IQCB1: variants seen among roughly 807,000 people sequenced by gnomAD.
IQCB1 encodes the protein IQ motif containing B1.
IQCB1 carries 56 observed loss-of-function variants against 84.4 expected under a neutral mutation model. The observed-to-expected ratio is 0.66, with a 90% confidence interval of 0.54 to 0.83. The LOEUF (loss-of-function observed/expected upper bound fraction) is 0.83, where lower values mean the gene tolerates loss of function less well. IQCB1 is among the 40% of genes least tolerant of loss of function. IQCB1 has a pLI of 0.00. For synonymous variants in IQCB1, 210 were observed against 234.8 expected, an observed-to-expected ratio of 0.89 and a Z score of 0.96; for missense variants, 629 against 682.1, an observed-to-expected ratio of 0.92 and a Z score of 0.87.
In IQCB1 at chr3:121,786,070, C is replaced by T. The variant is rs933873282; in HGVS notation, c.1278+2214G>A. On this transcript the variant is annotated intron_variant, in intron 12 of 14. Transcript: ENST00000310864. Reference sequence around the variant, plus strand: ...CCTGTAGTCCCAGCTACTGTGGAGGCTGAGGTGGGAGGATCTCTTGAGCCT... The same window carrying T: ...CCTGTAGTCCCAGCTACTGTGGAGGTTGAGGTGGGAGGATCTCTTGAGCCT... 3.4e-5 allele frequency among the ~76,000 whole-genome samples: 5 copies of T among 148,764 alleles called. No homozygotes were observed. The South Asian group carries it at 1.1e-3, about 32-fold the overall frequency.
At chr3:121,796,397 AT>A (rs1041017796) in intron 9 of IQCB1, among the ~76,000 whole-genome samples, 4 of 152,022 alleles carry the variant, frequency 2.6e-5, no homozygotes, top group Non-Finnish European at 4.4e-5. Flanking sequence ...ATCTTTAGTC[AT>A]TTTAGATGTT....
At chr3:121,788,472 C>T in intron 11 of IQCB1, 40 bp from the exon 12 acceptor site, 1 of 1,573,562 alleles carries the variant, frequency 6.4e-7, no homozygotes, top group Non-Finnish European at 8.7e-7. Flanking sequence ...TACTCACTGC[C>T]ATGCTTTCTT....
rs1947903142 is a variant in IQCB1 at position 121,770,043 on chromosome 3, T to G, written c.*302A>C. On this transcript the variant is annotated 3_prime_UTR_variant, in exon 15 of 15. Transcript: ENST00000310864. ...ATTTATTTAGAAAAAAATATTTAGT[T>G]GGAAAACAGAAGAAACCAAAGAAAA... The G allele has an allele frequency of 4.4e-6, 1 of 225,730 alleles. No individual in the cohort carries two copies. Among genetic ancestry groups the G allele is most frequent in the Non-Finnish European group, 8.8e-6 (1 of 113,768 alleles). The allele number at this position is 225,730 out of a possible 1,614,324, so 14.0% of individuals were successfully genotyped here.
Position 121,828,464 on chromosome 3 carries a change from T to C in IQCB1, c.263+6A>G, listed in dbSNP as rs1455853022. 6.2e-7 allele frequency: 1 copy of C among 1,610,528 alleles called. No homozygotes were observed. Among genetic ancestry groups the C allele is most frequent in the South Asian group, 1.1e-5 (1 of 91,026 alleles). On this transcript the variant is annotated splice_donor_region_variant and intron_variant, in intron 4 of 14. Coordinates refer to ENST00000310864, the MANE Select transcript of IQCB1 (RefSeq NM_001023570.4). ...CAAGAACAGCTGACTTACTGCTTTA[T>C]TTTACCTTAATATCTGTGTAAGCTG...
chr3:121,775,993 T>C (rs1000745108), intron 13 of IQCB1, among the ~76,000 whole-genome samples: 3 of 152,202 alleles, frequency 2.0e-5, no homozygotes, highest in African/African-American at 7.2e-5. Flanking sequence ...GAATGTATTC[T>C]ACTCTGTCTG....
At position 121,815,753 on chromosome 3, in the gene IQCB1, AC is replaced by A. The variant is rs1950026760; in HGVS notation, c.394-6745del. On this transcript the variant is annotated intron_variant, in intron 5 of 14. Coordinates refer to ENST00000310864, the MANE Select transcript of IQCB1 (RefSeq NM_001023570.4). The stretch of plus-strand genomic sequence containing the variant: ...CTACAAAACACTGCTCAAGGAAATA[AC>A]AGAGGACACAAACAAATGGAAAAAA... Among the ~76,000 whole-genome samples the A allele has an allele frequency of 7.0e-5, 9 of 127,930 alleles. No homozygotes were observed. In the South Asian group the frequency reaches 2.4e-3, roughly 34 times the overall value. The allele number at this position is 127,930 out of a possible 152,430, so 83.9% of individuals were successfully genotyped here.
intron 13 of IQCB1, among the ~76,000 whole-genome samples, chr3:121,781,240 C>T (rs1202727680): frequency 6.6e-6 from 1 of 152,098 alleles, no homozygotes; most frequent in African/African-American, 2.4e-5. Context: ...ACCTGCCATC[C>T]TGTGGTCATA....
chr3:121,827,469 T>C (rs1950500572), intron 4 of IQCB1, among the ~76,000 whole-genome samples: 1 of 152,128 alleles, frequency 6.6e-6, no homozygotes, highest in Admixed American at 6.5e-5. Flanking sequence ...TGTTTATTTG[T>C]GCATTCAGAA....
At chr3:121,825,505 T>C (rs1030094845) in intron 5 of IQCB1, among the ~76,000 whole-genome samples, 1 of 152,138 alleles carries the variant, frequency 6.6e-6, no homozygotes, top group African/African-American at 2.4e-5. Context: ...TTGATAACAA[T>C]AAAGTATCTA....
chr3:121,815,670 G>A (rs1950023488), intron 5 of IQCB1, among the ~76,000 whole-genome samples: 1 of 151,800 alleles, frequency 6.6e-6, no homozygotes, highest in Non-Finnish European at 1.5e-5. Flanking sequence ...GCTACAAACA[G>A]AATAAAATAC....
intron 11 of IQCB1, among the ~76,000 whole-genome samples, chr3:121,788,720 T>A (rs1156781775): frequency 6.6e-6 from 1 of 150,406 alleles, no homozygotes; most frequent in Non-Finnish European, 1.5e-5. Flanking sequence ...AAAAAAAAAA[T>A]TCCTAAGTAC....
chr3:121,822,541 G>A (rs889467795), intron 5 of IQCB1, among the ~76,000 whole-genome samples: 1 of 152,128 alleles, frequency 6.6e-6, no homozygotes, highest in Non-Finnish European at 1.5e-5. Flanking sequence ...AAGGCTCCAC[G>A]GAGCCCAGAA....
intron 12 of IQCB1, among the ~76,000 whole-genome samples, chr3:121,784,936 A>C (rs1224990931): frequency 1.3e-5 from 2 of 152,102 alleles, no homozygotes. Flanking sequence ...AGCCTCCCAA[A>C]GTGCTGGGAT....
chr3:121,802,117 G>A (rs560613743), intron 7 of IQCB1, among the ~76,000 whole-genome samples: 2 of 151,940 alleles, frequency 1.3e-5, no homozygotes, highest in South Asian at 2.1e-4. Flanking sequence ...TCTTTGTTTG[G>A]TTTTGGTATC....
At chr3:121,775,938 T>A (rs1397967474) in intron 13 of IQCB1, among the ~76,000 whole-genome samples, 2 of 152,214 alleles carry the variant, frequency 1.3e-5, no homozygotes, top group Non-Finnish European at 2.9e-5. Context: ...AATGTTACTA[T>A]AGATTGGTTT....
intron 12 of IQCB1, among the ~76,000 whole-genome samples, chr3:121,786,170 C>CAAGAAAAGAAAG: frequency 2.3e-4 from 17 of 72,872 alleles, no homozygotes; most frequent in East Asian, 2.8e-4. Context: ...GATTCTGTCT[C>CAAGAAAAGAAAG]AAAAGAAAAG....
At chr3:121,783,800 T>C (rs1024315900) in intron 12 of IQCB1, among the ~76,000 whole-genome samples, 2 of 152,218 alleles carry the variant, frequency 1.3e-5, no homozygotes, top group Non-Finnish European at 2.9e-5. Flanking sequence ...GGATTCCATG[T>C]TGCCTTCCTT....
Position 121,772,684 on chromosome 3 carries a change from C to T in IQCB1, c.1440G>A (p.Arg480=). 1 of 1,614,150 alleles carries T rather than the reference C, an allele frequency of 6.2e-7. No homozygotes were observed. Among genetic ancestry groups the T allele is most frequent in the Non-Finnish European group, 8.5e-7 (1 of 1,180,018 alleles). Residue 480 remains arginine (R), a synonymous_variant, in exon 14 of 15, where the codon AGG becomes AGA. Coordinates refer to ENST00000310864, the MANE Select transcript of IQCB1 (RefSeq NM_001023570.4). ...GTTCTTGAGCTTGGGCATGGAGCTC[C>T]CTACTGACCACATCTGACATTGGAG... The part of the protein sequence containing the change: ...LGSPMSDVVS[R]ELHAQAQERL...
intron 13 of IQCB1, among the ~76,000 whole-genome samples, chr3:121,777,849 T>C (rs1948291992): frequency 6.6e-6 from 1 of 152,174 alleles, no homozygotes. Context: ...ATTAGTGATA[T>C]TGAGCATTTT....
Sources: allele counts gnomAD v4.1 joint callset (sites outside exome capture counted in the v4.1 genomes callset), GRCh38; gene constraint gnomAD v4.1.1; transcripts MANE v1.5; gene names NCBI Gene and HGNC (gene_info 2026-07-23, HGNC 2026-07-21).